NAV2: variants seen among roughly 807,000 people sequenced by gnomAD.
NAV2 encodes helicase, APC down-regulated 1.
A neutral mutation model predicts 223.2 loss-of-function variants in NAV2; 54 were observed. That is an observed-to-expected ratio of 0.24 (90% confidence interval 0.19 to 0.30). The LOEUF is 0.30. NAV2 is among the 10% of genes least tolerant of loss of function. NAV2 has a pLI of 1.00. For synonymous variants in NAV2, 1,279 were observed against 1,239.3 expected, an observed-to-expected ratio of 1.03 and a Z score of -0.67; for missense variants, 2,806 against 3,147.5, an observed-to-expected ratio of 0.89 and a Z score of 2.60.
At chr11:19,503,207 C>T (rs1247293743) in intron 1 of NAV2, 1 of 152,018 alleles carries the variant, frequency 6.6e-6, no homozygotes, top group East Asian at 1.9e-4. Flanking sequence ...TCCTATATAC[C>T]CCTTGCCCCC....
chr11:19,971,003 G>C (rs999869239), intron 10 of NAV2, among the ~76,000 whole-genome samples: 1 of 152,154 alleles, frequency 6.6e-6, no homozygotes, highest in African/African-American at 2.4e-5. Flanking sequence ...AGTGGGAGGT[G>C]GGGGAGATGA....
At chr11:19,496,483 T>G (rs2042797366) in intron 1 of NAV2, among the ~76,000 whole-genome samples, 1 of 152,216 alleles carries the variant, frequency 6.6e-6, no homozygotes, top group Non-Finnish European at 1.5e-5. Flanking sequence ...AGAGAAGGCC[T>G]CAGTTCCTTG....
At chr11:19,892,136 T>G (rs1005239460) in intron 5 of NAV2, among the ~76,000 whole-genome samples, 1 of 152,200 alleles carries the variant, frequency 6.6e-6, no homozygotes, top group African/African-American at 2.4e-5. Context: ...TTTTTGCATT[T>G]TTAGCAGAGA....
At chr11:19,927,228 G>A (rs1206529181) in intron 6 of NAV2, among the ~76,000 whole-genome samples, 1 of 152,190 alleles carries the variant, frequency 6.6e-6, no homozygotes, top group Non-Finnish European at 1.5e-5. Context: ...AACCTTGTAA[G>A]CTGGTCTTTT....
At chr11:19,464,575 C>T (rs975543197) in intron 1 of NAV2, among the ~76,000 whole-genome samples, 2 of 152,210 alleles carry the variant, frequency 1.3e-5, no homozygotes, top group African/African-American at 4.8e-5. Context: ...AAGTGGGAAT[C>T]ACACTATCCA....
intron 1 of NAV2, among the ~76,000 whole-genome samples, chr11:19,598,582 TA>T (rs1261233123): frequency 6.6e-6 from 1 of 152,216 alleles, no homozygotes; most frequent in Non-Finnish European, 1.5e-5. Flanking sequence ...TTTATTCATT[TA>T]ACCTCAGACA....
rs569179792 is a variant in NAV2, at chr11:19,859,796, G to C, written c.439-9129G>C. ...TGACCCCCCCACCTCCCTCCCGGAC[G>C]GGGCGGCTGGCCGGGCGGGGGGCTG... is the stretch of plus-strand genomic sequence containing the variant. On this transcript the variant is annotated intron_variant, in intron 3 of 37. Coordinates refer to ENST00000349880, the MANE Select transcript of NAV2 (RefSeq NM_145117.5). Among the ~76,000 whole-genome samples the C allele has an allele frequency of 6.0e-3, 878 of 146,528 alleles. 10 individuals carry two copies. Among genetic ancestry groups the C allele is most frequent in the African/African-American group, 0.022 (844 of 38,802 alleles).
intron 1 of NAV2, among the ~76,000 whole-genome samples, chr11:19,742,428 A>G (rs2052926691): frequency 6.6e-6 from 1 of 152,264 alleles, no homozygotes; most frequent in Non-Finnish European, 1.5e-5. Flanking sequence ...CAGCTACTTT[A>G]AGGCCAGAAT....
chr11:20,092,180 G>T, intron 27 of NAV2, 26 bp from the exon 28 acceptor site: 1 of 1,602,016 alleles, frequency 6.2e-7, no homozygotes, highest in South Asian at 1.1e-5. Flanking sequence ...TGCCTACTAA[G>T]GGAGCTTCTC....
intron 22 of NAV2, among the ~76,000 whole-genome samples, chr11:20,071,560 C>T (rs371889778): frequency 6.6e-6 from 1 of 152,174 alleles, no homozygotes; most frequent in African/African-American, 2.4e-5. Context: ...AATGGTTGAA[C>T]TAATTTACAC....
chr11:19,461,402 C>G (rs1376545767), intron 1 of NAV2, among the ~76,000 whole-genome samples: 1 of 152,194 alleles, frequency 6.6e-6, no homozygotes, highest in Non-Finnish European at 1.5e-5. Flanking sequence ...TGCATAAGCA[C>G]ATGTGAAAGA....
intron 1 of NAV2, among the ~76,000 whole-genome samples, chr11:19,498,238 G>A (rs983186149): frequency 2.0e-5 from 3 of 152,150 alleles, no homozygotes; most frequent in African/African-American, 7.2e-5. Flanking sequence ...CTTATTACAC[G>A]TGGGCCACTG....
chr11:19,635,588 G>A (rs1014819113), intron 1 of NAV2, among the ~76,000 whole-genome samples: 1 of 152,226 alleles, frequency 6.6e-6, no homozygotes. Context: ...ACGTGGAAGG[G>A]AGGCAGATGT....
chr11:19,746,090 G>A (rs947957563), intron 1 of NAV2, among the ~76,000 whole-genome samples: 15 of 152,186 alleles, frequency 9.9e-5, no homozygotes, highest in Non-Finnish European at 4.4e-5. Flanking sequence ...GAAGTGATTT[G>A]TCCAAAACAC....
At chr11:19,835,479 G>A (rs1254333279) in intron 2 of NAV2, among the ~76,000 whole-genome samples, 2 of 152,110 alleles carry the variant, frequency 1.3e-5, no homozygotes, top group African/African-American at 4.8e-5. Flanking sequence ...TTGTCTATCA[G>A]CCAGCTCAGA....
intron 19 of NAV2, 38 bp downstream of exon 19, chr11:20,055,995 C>G: frequency 6.3e-7 from 1 of 1,578,402 alleles, no homozygotes; most frequent in Non-Finnish European, 8.6e-7. Flanking sequence ...AAGGAAACTT[C>G]CATCTCCCAG....
At chr11:19,928,308 T>C (rs1038010733) in intron 6 of NAV2, among the ~76,000 whole-genome samples, 19 of 152,240 alleles carry the variant, frequency 1.2e-4, no homozygotes, top group Non-Finnish European at 2.4e-4. Context: ...CATTTTCCAA[T>C]ATGTTTCTAA....
chr11:19,660,373 G>A (rs2048244091), intron 1 of NAV2, among the ~76,000 whole-genome samples: 1 of 152,126 alleles, frequency 6.6e-6, no homozygotes, highest in African/African-American at 2.4e-5. Flanking sequence ...AGTCATCACT[G>A]TCACTCACCA....
chr11:19,826,529 G>A (rs1678818047), intron 1 of NAV2, among the ~76,000 whole-genome samples: 1 of 152,160 alleles, frequency 6.6e-6, no homozygotes, highest in Non-Finnish European at 1.5e-5. Context: ...CCTTGCATGA[G>A]CTAATGAAAC....
Sources: gnomAD v4.1 joint callset for allele counts (sites outside exome capture counted in the v4.1 genomes callset) on GRCh38, gnomAD v4.1.1 for gene constraint, MANE v1.5 for transcripts, NCBI Gene and HGNC (gene_info 2026-07-23, HGNC 2026-07-21) for gene names.